The following SKAP1 variants were observed in gnomAD, a reference collection of about 807,000 sequenced individuals.
SKAP1 encodes the protein src kinase-associated phosphoprotein 1.
In SKAP1, 44 loss-of-function variants were observed where a neutral mutation model predicts 58.5. That is an observed-to-expected ratio of 0.75 (90% CI 0.59 to 0.97). The LOEUF (loss-of-function observed/expected upper bound fraction) is 0.97, where lower values mean the gene tolerates loss of function less well. Among genes scored for constraint, SKAP1 ranks in the 50% least tolerant of loss-of-function variants. The pLI is 0.00. For missense variants in SKAP1, 390 were observed against 435.2 expected (o/e 0.90, Z 0.92); for synonymous variants, 127 against 149.7 (o/e 0.85, Z 1.11).
At chr17:48,392,877 ATT>A (rs67940436) in intron 2 of SKAP1, among the ~76,000 whole-genome samples, 5,453 of 127,354 alleles carry the variant, frequency 0.043, 327 homozygotes, top group African/African-American at 0.14. Flanking sequence ...ATATATATAT[ATT>A]TTTTTTTTCT....
chr17:48,149,946 C>A (rs1162183612), intron 11 of SKAP1, among the ~76,000 whole-genome samples: 1 of 152,206 alleles, frequency 6.6e-6, no homozygotes, highest in Non-Finnish European at 1.5e-5. Flanking sequence ...TTACTACTTT[C>A]ACCCTCCTCC....
intron 2 of SKAP1, among the ~76,000 whole-genome samples, chr17:48,391,093 TAAC>T (rs374551183): frequency 5.3e-5 from 8 of 151,612 alleles, no homozygotes; most frequent in Non-Finnish European, 1.0e-4. Flanking sequence ...ACTAACTAAC[TAAC>T]AACAACAACA....
At chr17:48,225,642 T>A (rs2065059678) in intron 4 of SKAP1, among the ~76,000 whole-genome samples, 2 of 152,198 alleles carry the variant, frequency 1.3e-5, no homozygotes, top group African/African-American at 2.4e-5. Flanking sequence ...TTTTTCTCCT[T>A]GTTTTTCTGG....
chr17:48,241,273 A>T lies in SKAP1; in HGVS notation c.281-51773T>A, dbSNP rs1451130876. Among the ~76,000 whole-genome samples the T allele has an allele frequency of 3.3e-5, 5 of 152,092 alleles. No homozygotes were observed. In the East Asian group the frequency reaches 9.6e-4, roughly 29 times the overall value. Reference sequence around the variant, plus strand: ...CTGGATGAACTCTGCATTTTCGGGCAAGAGGCCTGATGAATCTCCAGGGAC... The same window carrying T: ...CTGGATGAACTCTGCATTTTCGGGCTAGAGGCCTGATGAATCTCCAGGGAC... On this transcript the variant is annotated intron_variant, in intron 4 of 12. Transcript: ENST00000336915.
At chr17:48,135,870 C>A (rs2063690514) in intron 12 of SKAP1, among the ~76,000 whole-genome samples, 1 of 152,124 alleles carries the variant, frequency 6.6e-6, no homozygotes, top group Non-Finnish European at 1.5e-5. Context: ...ATATTGGATT[C>A]CTAATCTTGG....
intron 4 of SKAP1, among the ~76,000 whole-genome samples, chr17:48,262,823 A>G (rs2065498983): frequency 1.3e-5 from 2 of 152,158 alleles, no homozygotes; most frequent in East Asian, 3.9e-4. Context: ...TTCATTGCAC[A>G]CACACACTTC....
At chr17:48,401,737 GA>G (rs140033164) in intron 1 of SKAP1, among the ~76,000 whole-genome samples, 3 of 149,574 alleles carry the variant, frequency 2.0e-5, no homozygotes, top group East Asian at 3.9e-4. Context: ...ATGACACCAA[GA>G]AAAAAAAAGC....
intron 2 of SKAP1, among the ~76,000 whole-genome samples, chr17:48,394,944 A>T (rs760723333): frequency 6.6e-6 from 1 of 152,202 alleles, no homozygotes; most frequent in Non-Finnish European, 1.5e-5. Context: ...GATAATTATG[A>T]AATTCTAAAT....
At chr17:48,313,408 A>G (rs1050519816) in intron 4 of SKAP1, among the ~76,000 whole-genome samples, 7 of 152,162 alleles carry the variant, frequency 4.6e-5, no homozygotes, top group Non-Finnish European at 8.8e-5. Context: ...TCCAATTTTT[A>G]TTCTAATTAT....
intron 4 of SKAP1, among the ~76,000 whole-genome samples, chr17:48,319,433 A>T (rs1444126606): frequency 6.6e-6 from 1 of 152,246 alleles, no homozygotes; most frequent in Non-Finnish European, 1.5e-5. Context: ...AACTGGGAAC[A>T]TAATGACAAA....
At chr17:48,246,878 C>T (rs2065302968) in intron 4 of SKAP1, among the ~76,000 whole-genome samples, 1 of 152,212 alleles carries the variant, frequency 6.6e-6, no homozygotes, top group Non-Finnish European at 1.5e-5. Flanking sequence ...ACACCTCTGT[C>T]TATCCCTGGA....
chr17:48,142,038 A>G (rs2063773880), intron 11 of SKAP1, among the ~76,000 whole-genome samples: 1 of 152,140 alleles, frequency 6.6e-6, no homozygotes. Context: ...ACTGCCTTCT[A>G]TCTGCCTGTC....
At chr17:48,439,666 G>A in the SKAP1 span, among the ~76,000 whole-genome samples, 1 of 152,146 alleles carries the variant, frequency 6.6e-6, no homozygotes, top group Non-Finnish European at 1.5e-5. Context: ...AAGCTATATT[G>A]TTATCAGCAC....
At chr17:48,338,141 T>C (rs1200088336) in intron 4 of SKAP1, among the ~76,000 whole-genome samples, 2 of 151,360 alleles carry the variant, frequency 1.3e-5, no homozygotes, top group Non-Finnish European at 2.9e-5. Flanking sequence ...CTTTCCTTTC[T>C]TTCTTTTTCT....
In SKAP1 at chr17:48,325,324, G is replaced by T. The variant is rs541570907; in HGVS notation, c.280+20581C>A. On this transcript the variant is annotated intron_variant, in intron 4 of 12. Transcript: ENST00000336915. ...TCAGAGAGGCTTTCCCTCATCTCCA[G>T]TTTTCTTTCCAAGTGTAGTTACTGC... Among the ~76,000 whole-genome samples, 19 of 149,424 alleles carry T rather than the reference G, an allele frequency of 1.3e-4. No homozygotes were observed. In the East Asian group the frequency reaches 3.6e-3, roughly 28 times the overall value.
intron 11 of SKAP1, among the ~76,000 whole-genome samples, chr17:48,150,878 G>A (rs556987820): frequency 6.6e-6 from 1 of 152,278 alleles, no homozygotes; most frequent in South Asian, 2.1e-4. Flanking sequence ...TGGAATCCAC[G>A]TCCAAGTTCT....
At chr17:48,212,381 A>G (rs552851596) in intron 4 of SKAP1, among the ~76,000 whole-genome samples, 2 of 152,306 alleles carry the variant, frequency 1.3e-5, no homozygotes, top group Admixed American at 1.3e-4. Context: ...TGCCTAAGGA[A>G]GGACTGGAAT....
intron 1 of SKAP1, 91 bp downstream of exon 1, chr17:48,429,984 G>A (rs1598695452): frequency 6.4e-6 from 7 of 1,092,588 alleles, no homozygotes; most frequent in Non-Finnish European, 8.3e-6. Context: ...GGTGAGTGAC[G>A]AAGCCGTAAA....
At chr17:48,220,340 A>G (rs1354842123) in intron 4 of SKAP1, among the ~76,000 whole-genome samples, 1 of 152,232 alleles carries the variant, frequency 6.6e-6, no homozygotes, top group Non-Finnish European at 1.5e-5. Flanking sequence ...TGAATAAAGG[A>G]AATACTATAT....
Sources: gnomAD v4.1 joint callset for allele counts (sites outside exome capture counted in the v4.1 genomes callset) on GRCh38, gnomAD v4.1.1 for gene constraint, MANE v1.5 for transcripts, NCBI Gene and HGNC (gene_info 2026-07-23, HGNC 2026-07-21) for gene names.